Variants in SMC6 observed in about 807,000 individuals in gnomAD.
SMC6 encodes the protein structural maintenance of chromosomes 6.
A neutral mutation model predicts 142.2 loss-of-function variants in SMC6; 79 were observed. That is an observed-to-expected ratio of 0.56 (90% confidence interval 0.46 to 0.67). The LOEUF is 0.67. Among genes scored for constraint, SMC6 ranks in the 30% least tolerant of loss-of-function variants. SMC6 has a pLI of 0.00. For synonymous variants in SMC6, 411 were observed against 412.4 expected, an observed-to-expected ratio of 1.00 and a Z score of 0.04; for missense variants, 1,072 against 1,284.0, an observed-to-expected ratio of 0.83 and a Z score of 2.52.
In SMC6 at chr2:17,740,498, C is replaced by T. The variant is rs149054588; in HGVS notation, c.238+1114G>A. On this transcript the variant is annotated intron_variant, in intron 4 of 27. Coordinates refer to ENST00000448223, the MANE Select transcript of SMC6 (RefSeq NM_001142286.2). ...CTTCTGTATTTTTCCCCTTCTAATC[C>T]ATTGTCCACAATGTGGTCAGTTTGT... 4.7e-3 allele frequency among the ~76,000 whole-genome samples: 712 copies of T among 152,268 alleles called. 8 individuals carry two copies. Among genetic ancestry groups the T allele is most frequent in the African/African-American group, 0.016 (668 of 41,544 alleles).
intron 2 of SMC6, among the ~76,000 whole-genome samples, chr2:17,752,388 T>C (rs545318306): frequency 3.0e-4 from 45 of 152,200 alleles, no homozygotes; most frequent in Non-Finnish European, 4.9e-4. Context: ...CATCCACTTT[T>C]TTTCCTCTGA....
At chr2:17,748,144 G>A (rs1405946672) in intron 2 of SMC6, among the ~76,000 whole-genome samples, 1 of 152,196 alleles carries the variant, frequency 6.6e-6, no homozygotes, top group East Asian at 1.9e-4. Flanking sequence ...AAAAGGACTT[G>A]TAGACTCCTC....
At chr2:17,696,028 T>C (rs963624260) in intron 22 of SMC6, among the ~76,000 whole-genome samples, 4 of 152,170 alleles carry the variant, frequency 2.6e-5, no homozygotes, top group African/African-American at 7.2e-5. Context: ...TCTAAGGAGC[T>C]ATGTTAGCTG....
intron 11 of SMC6, among the ~76,000 whole-genome samples, chr2:17,720,670 C>T (rs1259245505): frequency 1.3e-5 from 2 of 152,112 alleles, no homozygotes; most frequent in African/African-American, 4.8e-5. Flanking sequence ...TCTTCTATGT[C>T]TTGTCAGTAA....
chr2:17,700,325 C>T lies in SMC6; in HGVS notation c.2277G>A (p.Met759Ile). 5 of 1,609,664 alleles carry T rather than the reference C, an allele frequency of 3.1e-6. No homozygotes were observed. Among genetic ancestry groups the T allele is most frequent in the Non-Finnish European group, 4.2e-6 (5 of 1,178,378 alleles). Residue 759 changes from methionine (M) to isoleucine (I), a missense_variant, in exon 21 of 28, where the codon ATG (methionine) becomes ATA (isoleucine). By Grantham distance (10) the Met-to-Ile change is conservative. Around this residue, in one of 3 missense-constraint regions of SMC6, gnomAD observed 994 missense variants for 1,153.2 expected, o/e 0.86. Coordinates refer to ENST00000448223, the MANE Select transcript of SMC6 (RefSeq NM_001142286.2). ...KSKMKMVEEH[M>I]EQQKENMEHL... is the part of the protein sequence containing the mutation. The stretch of plus-strand genomic sequence containing the variant: ...GCTCCATATTTTCTTTTTGTTGCTC[C>T]ATATGTTCCTCAACCATTTTCATTT...
At chr2:17,670,381 C>T (rs200938286) in intron 26 of SMC6, 42 bp downstream of exon 26, 13 of 1,570,702 alleles carry the variant, frequency 8.3e-6, no homozygotes, top group East Asian at 2.4e-5. Flanking sequence ...ATGTTTCAAA[C>T]AAACAAAAAA....
In SMC6 at chr2:17,750,057, T is replaced by G. The variant is rs973977704; in HGVS notation, c.-6+2921A>C. On this transcript the variant is annotated intron_variant, in intron 2 of 27. Transcript: ENST00000448223. ...GCTTGGAATATATCACGAAATTATA[T>G]GAGACTTATTCATTAAGTCCACCCA... 3.3e-5 allele frequency among the ~76,000 whole-genome samples: 5 copies of G among 152,336 alleles called. No individual in the cohort carries two copies. In the East Asian group the frequency reaches 9.6e-4, roughly 29 times the overall value.
In SMC6 at chr2:17,665,189, T is replaced by G. The variant is rs543059878; in HGVS notation, c.*310A>C. ...GAAATGAACCCAAACTAAACAGATA[T>G]GTACATGTATATATGTACAAAATTT... On this transcript the variant is annotated 3_prime_UTR_variant, in exon 28 of 28. Transcript: ENST00000448223. 5.7e-6 allele frequency: 1 copy of G among 175,978 alleles called. No individual in the cohort carries two copies. The allele number at this position is 175,978 out of a possible 1,614,324, so 10.9% of individuals were successfully genotyped here.
At chr2:17,671,608 C>CAAAAA (rs373510441) in intron 25 of SMC6, among the ~76,000 whole-genome samples, 1 of 83,354 alleles carries the variant, frequency 1.2e-5, no homozygotes. Context: ...GACCCCGTCT[C>CAAAAA]AAAAAAAAAA....
chr2:17,707,110 A>G, intron 18 of SMC6, 109 bp downstream of exon 18: 1 of 814,276 alleles, frequency 1.2e-6, no homozygotes. Context: ...GCACTGAGAT[A>G]GATTACTCAC....
chr2:17,719,837 A>T (rs1669282119), intron 11 of SMC6, among the ~76,000 whole-genome samples: 1 of 152,204 alleles, frequency 6.6e-6, no homozygotes, highest in African/African-American at 2.4e-5. Context: ...ACCTCTGATG[A>T]ATTAATGTCA....
chr2:17,751,855 GC>G (rs1671057045), intron 2 of SMC6, among the ~76,000 whole-genome samples: 1 of 152,146 alleles, frequency 6.6e-6, no homozygotes. Context: ...GCCAAGTACA[GC>G]TTTAATTATT....
intron 23 of SMC6, among the ~76,000 whole-genome samples, chr2:17,684,780 T>G (rs1389226130): frequency 6.6e-6 from 1 of 152,086 alleles, no homozygotes; most frequent in South Asian, 2.1e-4. Flanking sequence ...GAGCCATGAT[T>G]GTACCACTGC....
chr2:17,724,815 T>C (rs1285237144), intron 9 of SMC6, among the ~76,000 whole-genome samples: 2 of 152,260 alleles, frequency 1.3e-5, no homozygotes, highest in Non-Finnish European at 2.9e-5. Flanking sequence ...ATAATTACTA[T>C]GATTTGTAGA....
intron 10 of SMC6, 34 bp downstream of exon 10, chr2:17,721,106 CAT>C: frequency 6.2e-7 from 1 of 1,611,380 alleles, no homozygotes; most frequent in Non-Finnish European, 8.5e-7. Flanking sequence ...CTGCATATCA[CAT>C]AGATACGTGA....
At chr2:17,671,431 CCA>C (rs10686942) in intron 25 of SMC6, among the ~76,000 whole-genome samples, 2 of 148,860 alleles carry the variant, frequency 1.3e-5, no homozygotes, top group African/African-American at 4.9e-5. Flanking sequence ...AACCTCATCT[CCA>C]CACACACACA....
chr2:17,731,610 GTGTGTA>G, intron 6 of SMC6, 125 bp downstream of exon 6: 2 of 805,924 alleles, frequency 2.5e-6, no homozygotes, highest in Non-Finnish European at 4.0e-6. Flanking sequence ...GTGTGTGTGT[GTGTGTA>G]TATATATATG....
intron 22 of SMC6, among the ~76,000 whole-genome samples, chr2:17,695,542 C>T (rs1489530776): frequency 2.6e-5 from 4 of 152,164 alleles, no homozygotes; most frequent in African/African-American, 9.7e-5. Flanking sequence ...ATCTCCACAA[C>T]TTCCTAGTGA....
Position 17,715,014 on chromosome 2 carries a change from C to A in SMC6, c.1577G>T (p.Cys526Phe). 6.2e-7 allele frequency: 1 copy of A among 1,613,852 alleles called. No homozygotes were observed. Among genetic ancestry groups the A allele is most frequent in the Non-Finnish European group, 8.5e-7 (1 of 1,179,900 alleles). ...DPELALAIESCLKGLLQAYCC... is the reference protein window; with the variant it reads ...DPELALAIESFLKGLLQAYCC... Reference sequence around the variant, plus strand: ...ATAGGCCTGCAGAAGCCCTTTTAAGCAAGATTCAATAGCCAAAGCAAGTTC... The same window carrying A: ...ATAGGCCTGCAGAAGCCCTTTTAAGAAAGATTCAATAGCCAAAGCAAGTTC... Residue 526 changes from cysteine to phenylalanine, a missense_variant, in exon 16 of 28, where the codon TGC becomes TTC. By Grantham distance (205) the Cys-to-Phe change is radical (BLOSUM62 -2). Around this residue, in one of 3 missense-constraint regions of SMC6, gnomAD observed 994 missense variants for 1,153.2 expected, o/e 0.86. Coordinates refer to ENST00000448223, the MANE Select transcript of SMC6 (RefSeq NM_001142286.2).
Sources: gnomAD v4.1 joint callset for allele counts (sites outside exome capture counted in the v4.1 genomes callset) on GRCh38, gnomAD v4.1.1 for gene constraint, gnomAD v4.1.1 regional missense constraint, MANE v1.5 for transcripts, NCBI Gene and HGNC (gene_info 2026-07-23, HGNC 2026-07-21) for gene names.